Variants in CNOT4 observed in about 807,000 individuals in gnomAD.
The protein encoded by CNOT4 is CCR4-NOT transcription complex subunit 4.
A neutral mutation model predicts 73.8 loss-of-function variants in CNOT4; 8 were observed. The ratio of observed to expected loss-of-function variants is 0.11; its 90% CI spans 0.06 to 0.20. The LOEUF (loss-of-function observed/expected upper bound fraction) is 0.20. Among genes scored for constraint, CNOT4 ranks in the 10% least tolerant of loss-of-function variants. The pLI is 1.00. For synonymous variants in CNOT4, 293 were observed against 321.1 expected (o/e 0.91, Z 0.94); for missense variants, 564 against 883.4 (o/e 0.64, Z 4.58).
intron 1 of CNOT4, among the ~76,000 whole-genome samples, chr7:135,495,238 C>T: frequency 6.6e-6 from 1 of 152,160 alleles, no homozygotes; most frequent in East Asian, 1.9e-4. Flanking sequence ...GAAAAGTTGG[C>T]TCACGCCTGT....
intron 1 of CNOT4, among the ~76,000 whole-genome samples, chr7:135,454,041 C>T (rs1800368897): frequency 6.8e-6 from 1 of 146,852 alleles, no homozygotes; most frequent in Non-Finnish European, 1.5e-5. Flanking sequence ...ATGCAGCCAT[C>T]TGGAATAAAA....
intron 1 of CNOT4, among the ~76,000 whole-genome samples, chr7:135,444,205 C>T (rs1481483332): frequency 2.0e-5 from 3 of 151,960 alleles, no homozygotes; most frequent in African/African-American, 7.2e-5. Flanking sequence ...ACAGACACTA[C>T]AGAAAATAGT....
intron 1 of CNOT4, among the ~76,000 whole-genome samples, chr7:135,447,334 A>C (rs1799895970): frequency 6.6e-6 from 1 of 152,194 alleles, no homozygotes; most frequent in African/African-American, 2.4e-5. Flanking sequence ...TTAGGTGCCA[A>C]AGTACCAATG....
At chr7:135,387,742 A>G (rs1219055133) in intron 10 of CNOT4, 51 of 980,548 alleles carry the variant, frequency 5.2e-5, no homozygotes, top group Non-Finnish European at 5.8e-5. Context: ...TTTTAAAACT[A>G]TTTCAAGAAA....
chr7:135,453,915 ATC>A (rs1298763124), intron 1 of CNOT4, among the ~76,000 whole-genome samples: 1 of 142,696 alleles, frequency 7.0e-6, no homozygotes, highest in Non-Finnish European at 1.5e-5. Flanking sequence ...AGGCAGGTGG[ATC>A]GCTTGAGCTC....
rs1356314834 is a variant in CNOT4 at position 135,362,892 on chromosome 7, C to T, written c.2135G>A (p.Arg712His). The change falls in exon 12 of 12, where the codon CGC becomes CAC. Residue 712 changes from arginine to histidine, a missense_variant. By Grantham distance (29) the Arg-to-His change is conservative. Coordinates refer to ENST00000541284, the MANE Select transcript of CNOT4 (RefSeq NM_001190850.2). ...TDLLQSSTLD[R>H]H ...ATGGTTGCTCCTCTTTGCCTAATGG[C>T]GGTCCAGTGTTGAACTCTGTAGTAA... is the stretch of plus-strand genomic sequence containing the variant. 24 of 1,611,538 alleles carry T rather than the reference C, an allele frequency of 1.5e-5. No homozygotes were observed. The highest frequency in any genetic ancestry group is 2.2e-5 in the East Asian group (1 of 44,786).
chr7:135,383,719 G>T (rs1390767770), intron 10 of CNOT4, among the ~76,000 whole-genome samples: 1 of 152,140 alleles, frequency 6.6e-6, no homozygotes, highest in Non-Finnish European at 1.5e-5. Context: ...GCATTGAGTG[G>T]TTATCACAGT....
At position 135,363,512 on chromosome 7, in the gene CNOT4, A is replaced by G. The variant is rs1467451275; in HGVS notation, c.1841-326T>C. On this transcript the variant is annotated intron_variant, in intron 11 of 11. Transcript: ENST00000541284. This position sits in a 1 kb window ranked among gnomAD's most constrained non-coding sequence, Gnocchi z 4.3. ...CAGGGATGCGTAACAAGACAGCCTT[A>G]TAATAGAGAGCTTTATAACAAAAAG... Among the ~76,000 whole-genome samples the G allele has an allele frequency of 6.6e-6, 1 of 152,230 alleles. No homozygotes were observed. The highest frequency in any genetic ancestry group is 1.5e-5 in the Non-Finnish European group (1 of 68,038).
At chr7:135,462,344 A>T (rs1800928034) in intron 1 of CNOT4, among the ~76,000 whole-genome samples, 1 of 152,158 alleles carries the variant, frequency 6.6e-6, no homozygotes, top group Non-Finnish European at 1.5e-5. Context: ...TTAACCTACC[A>T]GTTCTGTCCC....
At chr7:135,368,835 C>T (rs1795048945) in intron 10 of CNOT4, among the ~76,000 whole-genome samples, 1 of 152,204 alleles carries the variant, frequency 6.6e-6, no homozygotes, top group South Asian at 2.1e-4. Flanking sequence ...TGACATCAGA[C>T]CTTTCACAGA....
At chr7:135,394,454 A>T in intron 9 of CNOT4, 39 bp from the exon 10 acceptor site, 1 of 1,500,016 alleles carries the variant, frequency 6.7e-7, no homozygotes, top group South Asian at 1.3e-5. Flanking sequence ...TCAGATACAT[A>T]GCTCATTTTC....
chr7:135,443,130 C>T (rs909532591), intron 1 of CNOT4, among the ~76,000 whole-genome samples: 1 of 150,720 alleles, frequency 6.6e-6, no homozygotes, highest in Admixed American at 6.7e-5. Context: ...GCAGATGGAT[C>T]TCTTGAGGCC....
chr7:135,375,616 T>A (rs2129482715), intron 10 of CNOT4, among the ~76,000 whole-genome samples: 1 of 152,258 alleles, frequency 6.6e-6, no homozygotes, highest in South Asian at 2.1e-4. Context: ...GAAAAATGTG[T>A]TAGTTTTTTT....
chr7:135,423,586 G>A (rs1284903190), intron 2 of CNOT4, among the ~76,000 whole-genome samples: 1 of 151,874 alleles, frequency 6.6e-6, no homozygotes, highest in Non-Finnish European at 1.5e-5. Flanking sequence ...ATACCCTGAG[G>A]TCTCCAAGAA....
intron 6 of CNOT4, among the ~76,000 whole-genome samples, chr7:135,412,431 G>A (rs1383347073): frequency 6.6e-6 from 1 of 151,718 alleles, no homozygotes; most frequent in Non-Finnish European, 1.5e-5. Context: ...ATTTTGAAAT[G>A]GTTCTACCTT....
At chr7:135,434,076 T>A (rs1238267232) in intron 2 of CNOT4, among the ~76,000 whole-genome samples, 1 of 152,182 alleles carries the variant, frequency 6.6e-6, no homozygotes, top group Non-Finnish European at 1.5e-5. Flanking sequence ...CCTACTTGCA[T>A]CTCCCAAGTT....
chr7:135,377,990 C>T (rs543328740), intron 10 of CNOT4, among the ~76,000 whole-genome samples: 1 of 152,288 alleles, frequency 6.6e-6, no homozygotes, highest in South Asian at 2.1e-4. Flanking sequence ...TTTAAAAACA[C>T]ATTTGTAAAA....
intron 2 of CNOT4, 54 bp from the exon 3 acceptor site, chr7:135,422,407 CGTAA>C: frequency 2.5e-6 from 2 of 811,008 alleles, no homozygotes; most frequent in Admixed American, 4.1e-5. Flanking sequence ...AAAAAAACTG[CGTAA>C]GTAATTATCT....
At chr7:135,432,226 T>G (rs1297019279) in intron 2 of CNOT4, among the ~76,000 whole-genome samples, 2 of 152,194 alleles carry the variant, frequency 1.3e-5, no homozygotes, top group Non-Finnish European at 2.9e-5. Context: ...CAGGAAAGAT[T>G]TCAAAACCAA....
Sources: allele counts gnomAD v4.1 joint callset (sites outside exome capture counted in the v4.1 genomes callset), GRCh38; gene constraint gnomAD v4.1.1; non-coding constraint Gnocchi (gnomAD v3.1); transcripts MANE v1.5; gene names NCBI Gene and HGNC (gene_info 2026-07-23, HGNC 2026-07-21).